MDGA2: variants seen among roughly 807,000 people sequenced by gnomAD.
MDGA2 encodes MAM domain-containing glycosylphosphatidylinositol anchor protein 2.
Under a neutral mutation model 117.8 loss-of-function variants are expected in MDGA2, and 40 were observed. The observed-to-expected ratio is 0.34, with a 90% CI of 0.26 to 0.44. The LOEUF (loss-of-function observed/expected upper bound fraction) is 0.44, where lower values mean the gene tolerates loss of function less well. MDGA2 is among the 20% of genes least tolerant of loss of function. The pLI, the probability that MDGA2 is intolerant of heterozygous loss-of-function variation, is 1.00. For synonymous variants in MDGA2, 452 were observed against 439.0 expected (o/e 1.03, Z -0.37); for missense variants, 1,123 against 1,250.6 (o/e 0.90, Z 1.54).
intron 2 of MDGA2, among the ~76,000 whole-genome samples, 180 bp from the exon 3 acceptor site, chr14:47,218,375 G>A (rs944621576): frequency 9.2e-5 from 14 of 152,082 alleles, no homozygotes; most frequent in Admixed American, 9.2e-4. Flanking sequence ...TTAATGTAAT[G>A]TCATCATTGT....
chr14:47,045,988 CA>C (rs1166635785), intron 7 of MDGA2, among the ~76,000 whole-genome samples: 1 of 145,410 alleles, frequency 6.9e-6, no homozygotes, highest in Non-Finnish European at 1.5e-5. Flanking sequence ...GAACATCACA[CA>C]CCGGGGACTG....
At chr14:47,358,087 G>A (rs778002413) in intron 1 of MDGA2, among the ~76,000 whole-genome samples, 9 of 152,124 alleles carry the variant, frequency 5.9e-5, no homozygotes, top group Admixed American at 1.3e-4. Context: ...AAAACCAGTT[G>A]GATCCATACA....
chr14:47,423,997 G>C (rs1594849984), intron 1 of MDGA2, among the ~76,000 whole-genome samples: 1 of 151,974 alleles, frequency 6.6e-6, no homozygotes, highest in East Asian at 2.0e-4. Context: ...ATTTTTAGTG[G>C]AAACAGGGTT....
At position 47,375,245 on chromosome 14, in the gene MDGA2, C is replaced by G. The variant is rs552770273; in HGVS notation, c.281-73695G>C. ...TAACAGTTAATTTTCTTTTTCGTAACTGCTTAGCCTACAACTTCCATCTTA... is the reference window on the plus strand; with the variant it reads ...TAACAGTTAATTTTCTTTTTCGTAAGTGCTTAGCCTACAACTTCCATCTTA... On this transcript the variant is annotated intron_variant, in intron 1 of 16. Transcript: ENST00000399232. 1.2e-4 allele frequency among the ~76,000 whole-genome samples: 18 copies of G among 151,520 alleles called. 2 individuals are homozygous for G. The highest frequency in any genetic ancestry group is 4.3e-4 in the African/African-American group (18 of 41,412).
chr14:46,840,007 TC>T (rs34027406), downstream of MDGA2: 1 of 152,224 alleles, frequency 6.6e-6, no homozygotes, highest in African/African-American at 2.4e-5. Flanking sequence ...TGAAGATTTA[TC>T]CCATGGTAAC....
At chr14:47,621,682 T>C (rs1400527000) in intron 1 of MDGA2, among the ~76,000 whole-genome samples, 1 of 152,174 alleles carries the variant, frequency 6.6e-6, no homozygotes, top group African/African-American at 2.4e-5. Flanking sequence ...TTTCTTTTCC[T>C]TCTGACACAA....
At chr14:47,395,853 A>G (rs1292098970) in intron 1 of MDGA2, among the ~76,000 whole-genome samples, 1 of 152,168 alleles carries the variant, frequency 6.6e-6, no homozygotes, top group Admixed American at 6.6e-5. Flanking sequence ...AATACTCACA[A>G]TGTTTAAATA....
intron 1 of MDGA2, among the ~76,000 whole-genome samples, chr14:47,625,601 T>C (rs1230913276): frequency 1.3e-5 from 2 of 152,190 alleles, no homozygotes; most frequent in Non-Finnish European, 2.9e-5. Context: ...AAGATTCACA[T>C]GAAACATTTT....
At chr14:47,620,716 A>C (rs533632926) in intron 1 of MDGA2, among the ~76,000 whole-genome samples, 1 of 152,320 alleles carries the variant, frequency 6.6e-6, no homozygotes, top group East Asian at 1.9e-4. Context: ...AATACAGTAT[A>C]AAGCTTTGAG....
intron 8 of MDGA2, among the ~76,000 whole-genome samples, chr14:47,030,494 A>G (rs1438533787): frequency 2.0e-5 from 3 of 152,220 alleles, no homozygotes; most frequent in East Asian, 1.9e-4. Context: ...AGCCTGGGCA[A>G]CAAGAATGAA....
At chr14:47,089,275 C>T (rs2138937609) in intron 6 of MDGA2, among the ~76,000 whole-genome samples, 1 of 152,216 alleles carries the variant, frequency 6.6e-6, no homozygotes, top group East Asian at 1.9e-4. Context: ...GAAAATGGCC[C>T]TGGAAACTTA....
rs529439456 is a variant in MDGA2 at position 47,067,848 on chromosome 14, A to G, written c.1196-6270T>C. On this transcript the variant is annotated intron_variant, in intron 6 of 16. Transcript: ENST00000399232. ...ATGCAGTGTTAGTCTTAAAAGTATT[A>G]AAGATTCTGGAAAATGGATATGAGC... Among the ~76,000 whole-genome samples the G allele has an allele frequency of 2.3e-3, 351 of 152,292 alleles. 1 individual carries two copies. The highest frequency in any genetic ancestry group is 3.2e-3 in the Non-Finnish European group (217 of 67,998).
chr14:47,260,161 C>T (rs1887748335), intron 2 of MDGA2, among the ~76,000 whole-genome samples: 1 of 152,010 alleles, frequency 6.6e-6, no homozygotes, highest in South Asian at 2.1e-4. Flanking sequence ...ATGTGAAAAA[C>T]TGACCTGCCT....
chr14:47,190,487 A>G (rs998202420), intron 3 of MDGA2, among the ~76,000 whole-genome samples: 1 of 152,196 alleles, frequency 6.6e-6, no homozygotes, highest in Non-Finnish European at 1.5e-5. Context: ...AAATTCAATT[A>G]AGTTACTTCA....
rs528101588 is a variant in MDGA2, at chr14:47,604,558, G to A, written c.280+69959C>T. 2.2e-5 allele frequency among the ~76,000 whole-genome samples: 3 copies of A among 134,022 alleles called. No individual in the cohort carries two copies. The Admixed American group carries it at 2.9e-4, about 13-fold the overall frequency. The allele number at this position is 134,022 out of a possible 152,430, so 87.9% of individuals were successfully genotyped here. A position where few individuals can be genotyped will look rare whatever the true frequency, so the allele number is the denominator to read the frequency against. Reference sequence around the variant, plus strand: ...TTGCCATGGCTGGTCTCAAACTCCTGGCTTCAAGTGATCCTCTAGTCTCAG... The same window carrying A: ...TTGCCATGGCTGGTCTCAAACTCCTAGCTTCAAGTGATCCTCTAGTCTCAG... On this transcript the variant is annotated intron_variant, in intron 1 of 16. Transcript: ENST00000399232.
intron 4 of MDGA2, 26 bp downstream of exon 4, chr14:47,144,052 T>C: frequency 6.7e-7 from 1 of 1,494,926 alleles, no homozygotes; most frequent in Non-Finnish European, 9.0e-7. Context: ...CAGAGTAGGG[T>C]GGAAATACTG....
chr14:47,191,294 T>C (rs1166090397), intron 3 of MDGA2, among the ~76,000 whole-genome samples: 1 of 151,522 alleles, frequency 6.6e-6, no homozygotes, highest in Non-Finnish European at 1.5e-5. Flanking sequence ...ATATCTATAT[T>C]TTTAAAGACT....
At chr14:47,147,471 C>A (rs545238521) in intron 3 of MDGA2, among the ~76,000 whole-genome samples, 2 of 152,262 alleles carry the variant, frequency 1.3e-5, no homozygotes, top group East Asian at 3.9e-4. Context: ...AGCTGCCCTG[C>A]CCTGAGGCAA....
At chr14:47,059,113 C>A (rs1889787471) in intron 7 of MDGA2, 3 of 1,033,766 alleles carry the variant, frequency 2.9e-6, no homozygotes, top group South Asian at 2.0e-5. Flanking sequence ...ATTATAGAGA[C>A]AATGGGAGGG....
Sources: gnomAD v4.1 joint callset for allele counts (sites outside exome capture counted in the v4.1 genomes callset) on GRCh38, gnomAD v4.1.1 for gene constraint, MANE v1.5 for transcripts, NCBI Gene and HGNC (gene_info 2026-07-23, HGNC 2026-07-21) for gene names.